The following IFT122 variants were observed in gnomAD, a reference collection of about 807,000 sequenced individuals.
IFT122 encodes intraflagellar transport 122.
A neutral mutation model predicts 161.6 loss-of-function variants in IFT122; 118 were observed. The observed-to-expected ratio is 0.73, with a 90% CI of 0.63 to 0.85. The LOEUF (loss-of-function observed/expected upper bound fraction) is 0.85. IFT122 is among the 40% of genes least tolerant of loss of function. The pLI, the probability that IFT122 is intolerant of heterozygous loss-of-function variation, is 0.00. For missense variants in IFT122, 1,381 were observed against 1,579.6 expected, an observed-to-expected ratio of 0.87 and a Z score of 2.13; for synonymous variants, 550 against 602.4, an observed-to-expected ratio of 0.91 and a Z score of 1.27.
At chr3:129,487,510 A>G (rs1350202108) in intron 15 of IFT122, 2 of 156,356 alleles carry the variant, frequency 1.3e-5, no homozygotes, top group Non-Finnish European at 2.8e-5. Context: ...GTTAGGAACT[A>G]TTCATGGGCA....
chr3:129,514,152 A>C (rs2083176378), intron 24 of IFT122: 3 of 636,890 alleles, frequency 4.7e-6, no homozygotes, highest in Non-Finnish European at 8.7e-6. Context: ...ATGCTAAGCA[A>C]GGTTAAAGTA....
At chr3:129,468,895 T>G (rs562455593) in intron 8 of IFT122, among the ~76,000 whole-genome samples, 2 of 152,356 alleles carry the variant, frequency 1.3e-5, no homozygotes, top group South Asian at 4.1e-4. Flanking sequence ...TTTTCTTTCT[T>G]CAGGAAGAGC....
chr3:129,475,016 G>A (rs529527122), intron 9 of IFT122, among the ~76,000 whole-genome samples: 50 of 152,284 alleles, frequency 3.3e-4, no homozygotes, highest in African/African-American at 1.2e-3. Context: ...TTAGCTGAGT[G>A]TGGTGGTATA....
rs1017588985 is a variant in IFT122, at chr3:129,479,885, G to A, written c.1451G>A (p.Gly484Glu). The A allele has an allele frequency of 2.5e-6, 4 of 1,613,890 alleles. No individual in the cohort carries two copies. The African/African-American group carries it at 5.3e-5, about 22-fold the overall frequency. The change falls in exon 13 of 30, where the codon GGA becomes GAA. Residue 484 changes from glycine to glutamate, a missense_variant. Coordinates refer to ENST00000348417, the MANE Select transcript of IFT122 (RefSeq NM_052989.3). The stretch of plus-strand genomic sequence containing the variant: ...ATCAAGGTGATCGGTGGCCCTCCTG[G>A]AAGAGAAGGCCTCTTAGTGGGGCTG... ...RYIKVIGGPP[G>E]REGLLVGLKN...
intron 12 of IFT122, 72 bp downstream of exon 12, chr3:129,478,290 C>A: frequency 7.6e-7 from 1 of 1,319,266 alleles, no homozygotes; most frequent in Non-Finnish European, 1.1e-6. Context: ...AGGGTGCCCA[C>A]CTCATGGTTT....
chr3:129,512,296 T>C lies in IFT122; in HGVS notation c.2887-16T>C. The C allele has an allele frequency of 6.3e-7, 1 of 1,594,372 alleles. No individual in the cohort carries two copies. Among genetic ancestry groups the C allele is most frequent in the Non-Finnish European group, 8.6e-7 (1 of 1,161,904 alleles). On this transcript the variant is annotated splice_polypyrimidine_tract_variant and intron_variant, in intron 23 of 29. Transcript: ENST00000348417. Reference sequence around the variant, plus strand: ...CTTGAAGAACTCAATCCCTGTTTGCTTTTCTCTCACTGCAGGAAGATCCGT... The same window carrying C: ...CTTGAAGAACTCAATCCCTGTTTGCCTTTCTCTCACTGCAGGAAGATCCGT...
At chr3:129,511,931 G>C (rs1053857345) in intron 23 of IFT122, among the ~76,000 whole-genome samples, 2 of 152,342 alleles carry the variant, frequency 1.3e-5, no homozygotes, top group Non-Finnish European at 2.9e-5. Flanking sequence ...GAGACAACTT[G>C]AGTAGTTCAG....
chr3:129,442,014 C>T (rs566584599), intron 1 of IFT122, among the ~76,000 whole-genome samples: 1 of 152,202 alleles, frequency 6.6e-6, no homozygotes, highest in South Asian at 2.1e-4. Flanking sequence ...CTAGTGTGCT[C>T]AGCTCTTCCT....
intron 9 of IFT122, among the ~76,000 whole-genome samples, chr3:129,472,019 C>T (rs1300011013): frequency 6.6e-6 from 1 of 150,526 alleles, no homozygotes; most frequent in African/African-American, 2.5e-5. Flanking sequence ...ATAATTTGCC[C>T]AAAGGCACAC....
intron 21 of IFT122, among the ~76,000 whole-genome samples, chr3:129,504,656 C>T (rs1350457729): frequency 2.0e-5 from 3 of 152,232 alleles, no homozygotes; most frequent in Non-Finnish European, 4.4e-5. Context: ...GAGGTGCTGC[C>T]TCCTCTCCAA....
intron 1 of IFT122, among the ~76,000 whole-genome samples, chr3:129,441,133 A>G (rs527716984): frequency 3.3e-5 from 5 of 152,354 alleles, no homozygotes; most frequent in African/African-American, 9.6e-5. Context: ...AATCTATAAC[A>G]TAGCAGTCTG....
At chr3:129,518,627 C>T (rs951467809) in intron 27 of IFT122, among the ~76,000 whole-genome samples, 1 of 152,154 alleles carries the variant, frequency 6.6e-6, no homozygotes, top group Non-Finnish European at 1.5e-5. Context: ...GTCCCCATGT[C>T]CTGGGCCTCC....
At chr3:129,501,723 C>A (rs1217674756) in intron 19 of IFT122, among the ~76,000 whole-genome samples, 1 of 152,220 alleles carries the variant, frequency 6.6e-6, no homozygotes, top group Non-Finnish European at 1.5e-5. Context: ...AGGTGTCTTT[C>A]CTCCAGGGAC....
chr3:129,458,999 C>A (rs1260201573), intron 4 of IFT122, among the ~76,000 whole-genome samples: 2 of 152,144 alleles, frequency 1.3e-5, no homozygotes, highest in Non-Finnish European at 2.9e-5. Context: ...TTATATCCAC[C>A]CAGTGTCAAA....
intron 26 of IFT122, 45 bp downstream of exon 26, chr3:129,515,644 C>T (rs1398765128): frequency 3.3e-6 from 5 of 1,498,732 alleles, no homozygotes; most frequent in Non-Finnish European, 4.6e-6. Context: ...AGCCTGTGGA[C>T]AGCCAGGCTC....
At chr3:129,508,152 G>A (rs549583365) in intron 23 of IFT122, among the ~76,000 whole-genome samples, 1 of 152,354 alleles carries the variant, frequency 6.6e-6, no homozygotes, top group African/African-American at 2.4e-5. Context: ...TGATTTGTGT[G>A]TTCTTCAGCA....
At position 129,479,871 on chromosome 3, in the gene IFT122, C is replaced by T. The variant is rs150390285; in HGVS notation, c.1437C>T (p.Ile479=). The part of the protein sequence containing the change: ...MESLIRYIKV[I]GGPPGREGLL... ...CTCTCATTCGTTACATCAAGGTGAT[C>T]GGTGGCCCTCCTGGAAGAGAAGGCC... Residue 479 remains isoleucine, a synonymous_variant, in exon 13 of 30, where the codon ATC becomes ATT. Transcript: ENST00000348417. The T allele has an allele frequency of 1.4e-5, 23 of 1,613,936 alleles. No individual in the cohort carries two copies. Among genetic ancestry groups the T allele is most frequent in the South Asian group, 4.4e-5 (4 of 91,070 alleles).
At chr3:129,458,548 A>G (rs2075803781) in intron 3 of IFT122, 51 bp from the exon 4 acceptor site, 2 of 1,447,466 alleles carry the variant, frequency 1.4e-6, no homozygotes. Flanking sequence ...CTCTCTGGGA[A>G]ATGCTGGTTT....
intron 9 of IFT122, among the ~76,000 whole-genome samples, chr3:129,471,298 G>C (rs984487506): frequency 6.6e-6 from 1 of 152,188 alleles, no homozygotes; most frequent in East Asian, 1.9e-4. Flanking sequence ...AAAAGATAAA[G>C]GGAGCAGATA....
Sources: allele counts gnomAD v4.1 joint callset (sites outside exome capture counted in the v4.1 genomes callset), GRCh38; gene constraint gnomAD v4.1.1; transcripts MANE v1.5; gene names NCBI Gene and HGNC (gene_info 2026-07-23, HGNC 2026-07-21).